RAP1GAP2: variants seen among roughly 807,000 people sequenced by gnomAD.
The protein encoded by RAP1GAP2 is RAP1 GTPase activating protein 2.
A neutral mutation model predicts 95.0 loss-of-function variants in RAP1GAP2; 27 were observed. The ratio of observed to expected loss-of-function variants is 0.28; its 90% CI spans 0.21 to 0.39. The LOEUF is 0.39. Ranked by LOEUF, RAP1GAP2 falls within the 10% of genes least tolerant of loss-of-function variation. The probability of loss-of-function intolerance (pLI) is 1.00; values close to 1 mark genes in which losing one functional copy is unlikely to be tolerated. For missense variants in RAP1GAP2, 771 were observed against 970.0 expected (o/e 0.79, Z 2.72); for synonymous variants, 373 against 380.9 (o/e 0.98, Z 0.24).
chr17:2,937,996 G>A (rs1490151174), intron 3 of RAP1GAP2, among the ~76,000 whole-genome samples: 2 of 152,150 alleles, frequency 1.3e-5, no homozygotes, highest in African/African-American at 2.4e-5. Flanking sequence ...GGGCTGTGCT[G>A]GAGAGAGGAG....
intron 17 of RAP1GAP2, among the ~76,000 whole-genome samples, chr17:3,010,725 G>T (rs562935702): frequency 6.6e-6 from 1 of 152,206 alleles, no homozygotes; most frequent in Middle Eastern, 3.4e-3. Context: ...ACTTTATCAC[G>T]ACTCATCTTT....
At position 2,852,088 on chromosome 17, in the gene RAP1GAP2, C is replaced by T. The variant is rs914299017; in HGVS notation, c.80+51538C>T. 4.6e-5 allele frequency among the ~76,000 whole-genome samples: 7 copies of T among 152,310 alleles called. No homozygotes were observed. The East Asian group carries it at 1.2e-3, about 25-fold the overall frequency. On this transcript the variant is annotated intron_variant, in intron 2 of 24. Coordinates refer to ENST00000254695, the MANE Select transcript of RAP1GAP2 (RefSeq NM_015085.5). The stretch of plus-strand genomic sequence containing the variant: ...GGTCCTCGGGTGCTGTGTGCTATAG[C>T]GCGGTGGGAGAGAGGGGAAGAGAAG...
At chr17:2,889,889 A>ATATATTTTTTTTT (rs1408426152) in intron 2 of RAP1GAP2, among the ~76,000 whole-genome samples, 16 of 57,304 alleles carry the variant, frequency 2.8e-4, no homozygotes, top group African/African-American at 6.5e-4. Context: ...ATATATATAT[A>ATATATTTTTTTTT]TTTTTTTTTT....
In RAP1GAP2 at chr17:2,964,063, G is replaced by A. The variant is rs201871372; in HGVS notation, c.487G>A (p.Gly163Arg). 1.2e-6 allele frequency: 2 copies of A among 1,609,248 alleles called. No individual in the cohort carries two copies. Among genetic ancestry groups the A allele is most frequent in the African/African-American group, 2.7e-5 (2 of 74,326 alleles). Residue 163 changes from glycine to arginine, a missense_variant, in exon 7 of 25, where the codon GGG becomes AGG. Transcript: ENST00000254695. ...CAGGGCCTACCGGAGGCACTTCCTG[G>A]GGAAGGTGAGGCTGGGGGAGAGGAG... Reference protein sequence around the residue: ...EARAYRRHFLGKDHLNFYCTG... With the variant: ...EARAYRRHFLRKDHLNFYCTG...
chr17:2,760,785 G>T (rs4790095), intron 1 of RAP1GAP2, among the ~76,000 whole-genome samples: 55,450 of 151,822 alleles, frequency 0.37, 10,987 homozygotes, highest in African/African-American at 0.53. Context: ...CTTCTCAGAC[G>T]TTCCTTGTTT....
chr17:2,894,870 C>T (rs2073835608), intron 2 of RAP1GAP2, among the ~76,000 whole-genome samples: 1 of 152,186 alleles, frequency 6.6e-6, no homozygotes, highest in South Asian at 2.1e-4. Flanking sequence ...CGGTCTTCCC[C>T]TGGCCCCTCC....
At chr17:2,954,155 A>G (rs2044021219) in intron 3 of RAP1GAP2, among the ~76,000 whole-genome samples, 1 of 152,272 alleles carries the variant, frequency 6.6e-6, no homozygotes, top group Non-Finnish European at 1.5e-5. Context: ...TCCAGGCTGG[A>G]GTGCAGTAGC....
chr17:2,961,872 G>A (rs992124164), intron 4 of RAP1GAP2, among the ~76,000 whole-genome samples: 3 of 149,924 alleles, frequency 2.0e-5, no homozygotes, highest in Admixed American at 6.7e-5. Context: ...TTCCCTTACT[G>A]GCTCTGTGAC....
Position 2,761,735 on chromosome 17 carries a change from ATTTG to A in RAP1GAP2, c.50+5973_50+5976del, listed in dbSNP as rs1292494621. Among the ~76,000 whole-genome samples, 4 of 152,180 alleles carry A rather than the reference ATTTG, an allele frequency of 2.6e-5. No individual in the cohort carries two copies. The East Asian group carries it at 5.8e-4, about 22-fold the overall frequency. On this transcript the variant is annotated intron_variant, in intron 1 of 25. Coordinates refer to the RAP1GAP2 transcript ENST00000637138. ...AAAATGGTGAAGTACAGGTCGCAGA[ATTTG>A]TTTGAGAAAAGAAATACAATAAAAT...
chr17:2,974,596 GAT>G (rs2045026485), intron 8 of RAP1GAP2, among the ~76,000 whole-genome samples: 1 of 119,484 alleles, frequency 8.4e-6, no homozygotes, highest in Non-Finnish European at 1.8e-5. Context: ...TAAAAAGTGG[GAT>G]TTTTTTTTTT....
At chr17:2,955,217 C>T (rs1432875994) in intron 3 of RAP1GAP2, among the ~76,000 whole-genome samples, 2 of 152,200 alleles carry the variant, frequency 1.3e-5, no homozygotes, top group East Asian at 3.8e-4. Context: ...TGATTTTCCA[C>T]AATGGCTGTA....
chr17:2,904,679 G>A lies in RAP1GAP2; in HGVS notation c.81-605G>A, dbSNP rs925792649. The stretch of plus-strand genomic sequence containing the variant: ...CCCCGTGGTTCTCAGACTTTGCCGT[G>A]TAGCAGAATGACCTGGAGAGCTCGT... On this transcript the variant is annotated intron_variant, in intron 2 of 24. Transcript: ENST00000254695. The surrounding 1 kb of genome is among the most constrained non-coding windows in gnomAD (Gnocchi z 4.7). Among the ~76,000 whole-genome samples the A allele has an allele frequency of 6.6e-5, 10 of 152,150 alleles. No homozygotes were observed. The South Asian group carries it at 1.2e-3, about 19-fold the overall frequency.
At chr17:2,779,070 G>A (rs1445862359) in intron 1 of RAP1GAP2, among the ~76,000 whole-genome samples, 2 of 152,180 alleles carry the variant, frequency 1.3e-5, no homozygotes, top group Non-Finnish European at 2.9e-5. Flanking sequence ...GCCCAGCGTG[G>A]CCTGACATGA....
rs1454145214 is a variant in RAP1GAP2 at position 2,903,796 on chromosome 17, C to T, written c.81-1488C>T. ...AACTGCAGGGGCAGGCAGGGGTACACATGACCCAGGCCTAGCCTGGAAGTG... is the reference window on the plus strand; with the variant it reads ...AACTGCAGGGGCAGGCAGGGGTACATATGACCCAGGCCTAGCCTGGAAGTG... On this transcript the variant is annotated intron_variant, in intron 2 of 24. Transcript: ENST00000254695. This position sits in a 1 kb window ranked among gnomAD's most constrained non-coding sequence, Gnocchi z 4.1. Among the ~76,000 whole-genome samples, 2 of 152,168 alleles carry T rather than the reference C, an allele frequency of 1.3e-5. No individual in the cohort carries two copies. Among genetic ancestry groups the T allele is most frequent in the African/African-American group, 4.8e-5 (2 of 41,444 alleles).
chr17:2,870,406 C>T lies in RAP1GAP2; in HGVS notation c.81-34878C>T, dbSNP rs914613258. Reference sequence around the variant, plus strand: ...TGCTGGGATTACAGGCATGAGCCACCGTGCCCTGCCTGACAATCTGGTTTT... The same window carrying T: ...TGCTGGGATTACAGGCATGAGCCACTGTGCCCTGCCTGACAATCTGGTTTT... On this transcript the variant is annotated intron_variant, in intron 2 of 24. Coordinates refer to ENST00000254695, the MANE Select transcript of RAP1GAP2 (RefSeq NM_015085.5). The surrounding 1 kb of genome is among the most constrained non-coding windows in gnomAD (Gnocchi z 4.4). Among the ~76,000 whole-genome samples the T allele has an allele frequency of 3.9e-5, 6 of 152,120 alleles. No individual in the cohort carries two copies. The highest frequency in any genetic ancestry group is 7.4e-5 in the Non-Finnish European group (5 of 68,010).
intron 3 of RAP1GAP2, among the ~76,000 whole-genome samples, chr17:2,914,948 C>T (rs575469712): frequency 9.2e-5 from 14 of 151,918 alleles, no homozygotes; most frequent in South Asian, 2.1e-4. Context: ...CCCGCCACCA[C>T]GCCCAGCTAA....
Position 2,891,814 on chromosome 17 carries a change from C to CTTTTTTTTTTTTTTTTTTTTTTTTT in RAP1GAP2, c.81-13468_81-13444dup, listed in dbSNP as rs917540694. ...TGATATGCAGATTCATATTTCTTTT[C>CTTTTTTTTTTTTTTTTTTTTTTTTT]TTTTTTTTTTTTTTTTTTTTTTTTT... On this transcript the variant is annotated intron_variant, in intron 2 of 24. Transcript: ENST00000254695. Among the ~76,000 whole-genome samples the CTTTTTTTTTTTTTTTTTTTTTTTTT allele has an allele frequency of 9.2e-5, 5 of 54,288 alleles. 1 individual carries two copies. Among genetic ancestry groups the CTTTTTTTTTTTTTTTTTTTTTTTTT allele is most frequent in the African/African-American group, 3.5e-4 (5 of 14,246 alleles). 35.6% of individuals were successfully genotyped at this position (54,288 alleles called of 152,430 possible). A position where few individuals can be genotyped will look rare whatever the true frequency, so the allele number is the denominator to read the frequency against.
chr17:2,767,129 C>T (rs922830109), intron 1 of RAP1GAP2, among the ~76,000 whole-genome samples: 5 of 151,716 alleles, frequency 3.3e-5, no homozygotes, highest in East Asian at 1.9e-4. Context: ...TTTGGGAGGC[C>T]GAGGTGGGTG....
Position 2,796,983 on chromosome 17 carries a change from C to T in RAP1GAP2, c.44+412C>T, listed in dbSNP as rs1002887824. Among the ~76,000 whole-genome samples the T allele has an allele frequency of 6.6e-6, 1 of 151,934 alleles. No individual in the cohort carries two copies. Among genetic ancestry groups the T allele is most frequent in the Non-Finnish European group, 1.5e-5 (1 of 67,966 alleles). ...GGCTGTGACTGCCAGTCCGTGTGACCGTGTGTGAGGTGTGTGCCTGTGCAT... is the reference window on the plus strand; with the variant it reads ...GGCTGTGACTGCCAGTCCGTGTGACTGTGTGTGAGGTGTGTGCCTGTGCAT... On this transcript the variant is annotated intron_variant, in intron 1 of 24. Coordinates refer to ENST00000254695, the MANE Select transcript of RAP1GAP2 (RefSeq NM_015085.5). This position sits in a 1 kb window ranked among gnomAD's most constrained non-coding sequence, Gnocchi z 4.7.
Sources: gnomAD v4.1 joint callset for allele counts (sites outside exome capture counted in the v4.1 genomes callset) on GRCh38, gnomAD v4.1.1 for gene constraint, Gnocchi (gnomAD v3.1) non-coding constraint, MANE v1.5 for transcripts, NCBI Gene and HGNC (gene_info 2026-07-23, HGNC 2026-07-21) for gene names.